Variants in RPRD2 observed in about 807,000 individuals in gnomAD.
The protein encoded by RPRD2 is regulation of nuclear pre-mRNA domain containing 2.
In RPRD2, 12 loss-of-function variants were observed where a neutral mutation model predicts 104.4. The observed-to-expected ratio is 0.11, with a 90% CI of 0.07 to 0.19. The LOEUF (loss-of-function observed/expected upper bound fraction) is 0.19, where lower values mean the gene tolerates loss of function less well. RPRD2 is among the 10% of genes least tolerant of loss of function. RPRD2 has a pLI of 1.00. For missense variants in RPRD2, 1,543 were observed against 1,790.1 expected, an observed-to-expected ratio of 0.86 and a Z score of 2.49; for synonymous variants, 714 against 684.9, an observed-to-expected ratio of 1.04 and a Z score of -0.66.
Position 150,470,596 on chromosome 1 carries a change from C to G in RPRD2, c.1648C>G (p.Pro550Ala). 2 of 1,613,860 alleles carry G rather than the reference C, an allele frequency of 1.2e-6. No homozygotes were observed. Among genetic ancestry groups the G allele is most frequent in the Non-Finnish European group, 1.7e-6 (2 of 1,179,808 alleles). The change falls in exon 11 of 11, where the codon CCA becomes GCA. Residue 550 changes from proline to alanine, a missense_variant. Physicochemically the swap from Pro to Ala is conservative, Grantham distance 27. Coordinates refer to ENST00000369068, the MANE Select transcript of RPRD2 (RefSeq NM_015203.5). ...SSLLQSVTGN[P>A]VPASEAASQS... Reference sequence around the variant, plus strand: ...TTTACTTCAGAGTGTTACTGGGAACCCAGTTCCAGCCAGTGAAGCTGCCTC... The same window carrying G: ...TTTACTTCAGAGTGTTACTGGGAACGCAGTTCCAGCCAGTGAAGCTGCCTC...
At chr1:150,453,465 T>C (rs17649760) in intron 7 of RPRD2, among the ~76,000 whole-genome samples, 12,061 of 152,278 alleles carry the variant, frequency 0.079, 653 homozygotes, top group Admixed American at 0.16. Context: ...TGCAGACATT[T>C]TTCTCATTTT....
intron 1 of RPRD2, among the ~76,000 whole-genome samples, chr1:150,371,409 G>T (rs587727111): frequency 6.6e-6 from 1 of 152,260 alleles, no homozygotes; most frequent in South Asian, 2.1e-4. Context: ...TGTCACCCAG[G>T]CTAGAGTGCA....
intron 6 of RPRD2, 37 bp downstream of exon 6, chr1:150,444,414 C>T: frequency 6.3e-7 from 1 of 1,597,548 alleles, no homozygotes; most frequent in Non-Finnish European, 8.5e-7. Flanking sequence ...GTCAGATTTT[C>T]TTTCCATATG....
chr1:150,462,616 G>A (rs1668013100), intron 9 of RPRD2, among the ~76,000 whole-genome samples: 1 of 151,984 alleles, frequency 6.6e-6, no homozygotes, highest in African/African-American at 2.4e-5. Context: ...GAGTGCAGTG[G>A]CGCGATCTCA....
In RPRD2 at chr1:150,471,415, C is replaced by A. The variant is rs1470701126; in HGVS notation, c.2467C>A (p.Pro823Thr). 6.2e-7 allele frequency: 1 copy of A among 1,613,828 alleles called. No homozygotes were observed. Among genetic ancestry groups the A allele is most frequent in the Admixed American group, 1.7e-5 (1 of 59,998 alleles). Residue 823 changes from proline to threonine, a missense_variant, in exon 11 of 11, where the codon CCA becomes ACA. By Grantham distance (38) the Pro-to-Thr change is conservative. Around this residue, in one of 4 missense-constraint regions of RPRD2, gnomAD observed 880 missense variants for 885.6 expected, o/e 0.99. Transcript: ENST00000369068. This position sits in a 1 kb window ranked among gnomAD's most constrained non-coding sequence, Gnocchi z 5.3. ...LMDSSQEKFY[P>T]DTSFQEDEDY... ...GGACTCTTCACAGGAAAAGTTCTACCCAGATACTTCTTTCCAAGAAGATGA... is the reference window on the plus strand; with the variant it reads ...GGACTCTTCACAGGAAAAGTTCTACACAGATACTTCTTTCCAAGAAGATGA...
chr1:150,397,581 A>AAG (rs1662628683), intron 1 of RPRD2, among the ~76,000 whole-genome samples: 1 of 152,030 alleles, frequency 6.6e-6, no homozygotes, highest in East Asian at 1.9e-4. Flanking sequence ...TTTGAGTCTG[A>AAG]CTTCTTTCAT....
intron 1 of RPRD2, among the ~76,000 whole-genome samples, chr1:150,391,523 A>G (rs1572381229): frequency 6.6e-6 from 1 of 152,362 alleles, no homozygotes; most frequent in East Asian, 1.9e-4. Flanking sequence ...TCTAAGAGAT[A>G]AAATGCAGTG....
intron 2 of RPRD2, among the ~76,000 whole-genome samples, chr1:150,428,623 G>A (rs1208770396): frequency 6.6e-6 from 1 of 152,010 alleles, no homozygotes; most frequent in Non-Finnish European, 1.5e-5. Context: ...GGCACTAGGG[G>A]TGTGTGCTAC....
At chr1:150,406,759 G>T (rs587671095) in intron 1 of RPRD2, among the ~76,000 whole-genome samples, 1 of 152,262 alleles carries the variant, frequency 6.6e-6, no homozygotes, top group Non-Finnish European at 1.5e-5. Flanking sequence ...TTGTTGCCCA[G>T]ACTGGAGTGC....
At chr1:150,416,846 T>C (rs1251075258) in intron 1 of RPRD2, among the ~76,000 whole-genome samples, 1 of 124,288 alleles carries the variant, frequency 8.0e-6, no homozygotes, top group African/African-American at 3.0e-5. Flanking sequence ...CACTGTAGCC[T>C]GGGCGACAGA....
chr1:150,416,355 A>G (rs868928578), intron 1 of RPRD2, among the ~76,000 whole-genome samples: 4 of 152,258 alleles, frequency 2.6e-5, no homozygotes, highest in Middle Eastern at 3.4e-3. Flanking sequence ...GAACAAGTAT[A>G]ATAGGAGTGG....
rs891139073 is a variant in RPRD2, at chr1:150,365,528, A to G, written c.205+609A>G. Among the ~76,000 whole-genome samples, 4 of 152,248 alleles carry G rather than the reference A, an allele frequency of 2.6e-5. No individual in the cohort carries two copies. The East Asian group carries it at 5.8e-4, about 22-fold the overall frequency. On this transcript the variant is annotated intron_variant, in intron 1 of 10. Coordinates refer to ENST00000369068, the MANE Select transcript of RPRD2 (RefSeq NM_015203.5). ...AATACAGGTTTCTTGGATACTGACC[A>G]GAAACAACTGCGATACAGTAGTCAG...
chr1:150,389,621 A>G (rs1176362634), intron 1 of RPRD2, among the ~76,000 whole-genome samples: 2 of 152,036 alleles, frequency 1.3e-5, no homozygotes, highest in Admixed American at 1.3e-4. Flanking sequence ...AGCCTCTTAC[A>G]CATTGTACTC....
intron 1 of RPRD2, among the ~76,000 whole-genome samples, chr1:150,408,577 C>T (rs587668893): frequency 1.4e-4 from 21 of 150,274 alleles, no homozygotes; most frequent in African/African-American, 4.9e-4. Flanking sequence ...ATGTACTTAT[C>T]ATCCATATAA....
At chr1:150,368,960 GTATATGA>G (rs1660060301) in intron 1 of RPRD2, among the ~76,000 whole-genome samples, 1 of 152,132 alleles carries the variant, frequency 6.6e-6, no homozygotes, top group African/African-American at 2.4e-5. Flanking sequence ...CTTATTTTCA[GTATATGA>G]TATTACCTTG....
rs774881701 is a variant in RPRD2, at chr1:150,472,235, G to A, written c.3287G>A (p.Arg1096Lys). Reference protein sequence around the residue: ...ETLGYHSASNRRMSGEPIQTV... With the variant: ...ETLGYHSASNKRMSGEPIQTV... ...TTGGGTTATCACAGTGCATCCAATA[G>A]GAGGATGTCAGGGGAGCCGATCCAG... Residue 1096 changes from arginine to lysine, a missense_variant, in exon 11 of 11, where the codon AGG becomes AAG. Coordinates refer to ENST00000369068, the MANE Select transcript of RPRD2 (RefSeq NM_015203.5). 5.6e-6 allele frequency: 9 copies of A among 1,613,988 alleles called. No homozygotes were observed. Among genetic ancestry groups the A allele is most frequent in the Non-Finnish European group, 6.8e-6 (8 of 1,179,876 alleles).
intron 1 of RPRD2, among the ~76,000 whole-genome samples, chr1:150,369,039 C>T (rs988418895): frequency 6.6e-6 from 1 of 152,180 alleles, no homozygotes; most frequent in Non-Finnish European, 1.5e-5. Flanking sequence ...TTATTTGTTG[C>T]CCTGTCCCCA....
chr1:150,392,090 C>T (rs1662119089), intron 1 of RPRD2, among the ~76,000 whole-genome samples: 1 of 149,642 alleles, frequency 6.7e-6, no homozygotes, highest in African/African-American at 2.5e-5. Context: ...GTCCCAGCTA[C>T]TCGGGAGAAT....
Position 150,473,204 on chromosome 1 carries a change from C to T in RPRD2, c.4256C>T (p.Pro1419Leu). ...RSGIILRSPR[P>L]DFRPREPFLS... ...GGTATAATCTTACGGAGTCCCCGGC[C>T]AGACTTTCGGCCTAGGGAACCTTTT... Residue 1419 changes from proline (P) to leucine (L), a missense_variant, in exon 11 of 11, where the codon CCA becomes CTA. Physicochemically the swap from Pro to Leu is moderately conservative, Grantham distance 98. Coordinates refer to ENST00000369068, the MANE Select transcript of RPRD2 (RefSeq NM_015203.5). 6.2e-7 allele frequency: 1 copy of T among 1,613,990 alleles called. No homozygotes were observed. The highest frequency in any genetic ancestry group is 8.5e-7 in the Non-Finnish European group (1 of 1,179,880).
Sources: allele counts gnomAD v4.1 joint callset (sites outside exome capture counted in the v4.1 genomes callset), GRCh38; gene constraint gnomAD v4.1.1; regional missense constraint gnomAD v4.1.1; non-coding constraint Gnocchi (gnomAD v3.1); transcripts MANE v1.5; gene names NCBI Gene and HGNC (gene_info 2026-07-23, HGNC 2026-07-21).